The following DNAJA2 variants were observed in gnomAD, a reference collection of about 807,000 sequenced individuals.
DNAJA2 encodes dnaJ homolog subfamily A member 2.
Under a neutral mutation model 49.3 loss-of-function variants are expected in DNAJA2, and 6 were observed. That is an observed-to-expected ratio of 0.12 (90% CI 0.07 to 0.24). The LOEUF (loss-of-function observed/expected upper bound fraction) is 0.24, where lower values mean the gene tolerates loss of function less well. Among genes scored for constraint, DNAJA2 ranks in the 10% least tolerant of loss-of-function variants. The pLI, the probability that DNAJA2 is intolerant of heterozygous loss-of-function variation, is 1.00. For missense variants in DNAJA2, 347 were observed against 516.8 expected (o/e 0.67, Z 3.19); for synonymous variants, 160 against 172.7 (o/e 0.93, Z 0.58).
intron 6 of DNAJA2, among the ~76,000 whole-genome samples, chr16:46,961,284 G>A (rs1031089142): frequency 6.6e-6 from 1 of 151,518 alleles, no homozygotes; most frequent in African/African-American, 2.4e-5. Context: ...GGAGGCTGAG[G>A]CAGGAGAATC....
chr16:46,966,912 CAG>C (rs1441958745), intron 5 of DNAJA2, among the ~76,000 whole-genome samples: 3 of 152,066 alleles, frequency 2.0e-5, no homozygotes, highest in Admixed American at 1.3e-4. Flanking sequence ...GTCATTCCTA[CAG>C]AGAGAGTAAA....
chr16:46,969,911 A>G (rs1023978959), intron 3 of DNAJA2, among the ~76,000 whole-genome samples: 1 of 152,198 alleles, frequency 6.6e-6, no homozygotes, highest in Non-Finnish European at 1.5e-5. Context: ...CCATTTCTAT[A>G]TTAAAGAAAA....
rs1468209664 is a variant in DNAJA2, at chr16:46,973,578, C to G, written c.-6G>C. On this transcript the variant is annotated 5_prime_UTR_variant, in exon 1 of 9. Transcript: ENST00000317089. ...GTGTCAGCCACGTTAGCCATGGCGGCCGGCCGGGCAGTGCTCGGGGAGAAG... is the reference window on the plus strand; with the variant it reads ...GTGTCAGCCACGTTAGCCATGGCGGGCGGCCGGGCAGTGCTCGGGGAGAAG... The G allele has an allele frequency of 6.3e-7, 1 of 1,592,324 alleles. No individual in the cohort carries two copies. The highest frequency in any genetic ancestry group is 1.7e-5 in the Admixed American group (1 of 58,706).
At chr16:46,969,906 T>C (rs1009881983) in intron 3 of DNAJA2, among the ~76,000 whole-genome samples, 1 of 152,204 alleles carries the variant, frequency 6.6e-6, no homozygotes, top group African/African-American at 2.4e-5. Flanking sequence ...TTAGACCATT[T>C]CTATATTAAA....
At chr16:46,965,905 G>A (rs570326522) in intron 5 of DNAJA2, among the ~76,000 whole-genome samples, 3 of 151,010 alleles carry the variant, frequency 2.0e-5, no homozygotes, top group Admixed American at 6.6e-5. Flanking sequence ...TTGGTTTCTT[G>A]ATAGTGGGAG....
intron 8 of DNAJA2, among the ~76,000 whole-genome samples, chr16:46,957,787 A>T (rs1961836182): frequency 6.6e-6 from 1 of 152,082 alleles, no homozygotes; most frequent in Non-Finnish European, 1.5e-5. Flanking sequence ...TCTACAGGAG[A>T]CACACCTTCC....
At chr16:46,972,030 C>T in intron 1 of DNAJA2, 75 bp from the exon 2 acceptor site, 5 of 1,026,402 alleles carry the variant, frequency 4.9e-6, no homozygotes, top group Non-Finnish European at 7.6e-6. Flanking sequence ...TTAATATCCA[C>T]TTTTCTGAGA....
Position 46,955,604 on chromosome 16 carries a change from T to C in DNAJA2, c.*1425A>G, listed in dbSNP as rs900136129. 17 of 152,218 alleles carry C rather than the reference T, an allele frequency of 1.1e-4. No individual in the cohort carries two copies. Among genetic ancestry groups the C allele is most frequent in the Admixed American group, 6.5e-4 (10 of 15,278 alleles). 9.4% of individuals were successfully genotyped at this position (152,218 alleles called of 1,614,324 possible). A position where few individuals can be genotyped will look rare whatever the true frequency, so the allele number is the denominator to read the frequency against. ...TTTTTTCATTCAGGTTTTCAGGTTCTAGCAGACCTAGAAATAAACTACAAA... is the reference window on the plus strand; with the variant it reads ...TTTTTTCATTCAGGTTTTCAGGTTCCAGCAGACCTAGAAATAAACTACAAA... On this transcript the variant is annotated 3_prime_UTR_variant, in exon 9 of 9. Coordinates refer to ENST00000317089, the MANE Select transcript of DNAJA2 (RefSeq NM_005880.4).
intron 2 of DNAJA2, 28 bp from the exon 3 acceptor site, chr16:46,971,600 A>C: frequency 7.0e-7 from 1 of 1,430,208 alleles, no homozygotes; most frequent in Non-Finnish European, 9.3e-7. Flanking sequence ...AAATAAAAAT[A>C]ATTGCATTTT....
intron 6 of DNAJA2, among the ~76,000 whole-genome samples, chr16:46,964,073 C>A (rs1397125402): frequency 6.6e-6 from 1 of 152,044 alleles, no homozygotes; most frequent in Admixed American, 6.5e-5. Flanking sequence ...CTCCGTCACA[C>A]ACACACAAAA....
chr16:46,958,345 A>G (rs906212276), intron 8 of DNAJA2, among the ~76,000 whole-genome samples: 5 of 152,014 alleles, frequency 3.3e-5, no homozygotes, highest in African/African-American at 1.2e-4. Context: ...AGGTCAGGAG[A>G]TCGAGACCAT....
intron 3 of DNAJA2, among the ~76,000 whole-genome samples, chr16:46,968,998 G>C (rs987330536): frequency 5.9e-5 from 9 of 152,210 alleles, no homozygotes; most frequent in Non-Finnish European, 1.0e-4. Flanking sequence ...AGTGAGCTGA[G>C]ATCGTACCAC....
Position 46,971,479 on chromosome 16 carries a change from T to C in DNAJA2, c.232A>G (p.Ser78Gly), listed in dbSNP as rs1347328345. The change falls in exon 3 of 9, where the codon AGC becomes GGC. Residue 78 changes from serine (S) to glycine (G), a missense_variant. Ser to Gly is a moderately conservative substitution (Grantham distance 56). Transcript: ENST00000317089. Reference sequence around the variant, plus strand: ...TCATCCATGCCACCACCTCCGCCGCTGCCTTCCCGAAGACCTTGCTCTCCG... The same window carrying C: ...TCATCCATGCCACCACCTCCGCCGCCGCCTTCCCGAAGACCTTGCTCTCCG... ...RYGEQGLREG[S>G]GGGGGMDDIF... 1 of 1,613,902 alleles carries C rather than the reference T, an allele frequency of 6.2e-7. No homozygotes were observed. Among genetic ancestry groups the C allele is most frequent in the East Asian group, 2.2e-5 (1 of 44,892 alleles).
intron 2 of DNAJA2, 157 bp from the exon 3 acceptor site, chr16:46,971,729 T>G (rs1962052720): frequency 1.3e-6 from 1 of 782,166 alleles, no homozygotes; most frequent in African/African-American, 1.8e-5. Context: ...CCACCGCTCC[T>G]CAGAATGGTA....
At chr16:46,973,326 C>T (rs1469446246) in intron 1 of DNAJA2, among the ~76,000 whole-genome samples, 169 bp downstream of exon 1, 1 of 150,896 alleles carries the variant, frequency 6.6e-6, no homozygotes, top group East Asian at 1.9e-4. Context: ...GGCCGGAGTG[C>T]GCGGCTCGCG....
Position 46,971,516 on chromosome 16 carries a change from T to C in DNAJA2, c.195A>G (p.Leu65=), listed in dbSNP as rs776142209. ...EVLSNPEKRE[L]YDRYGEQGLR... ...GACCTTGCTCTCCGTATCTGTCATA[T>C]AACTCACGCTTCTCAGGATTTGATA... The change falls in exon 3 of 9, where the codon TTA becomes TTG. Residue 65 remains leucine (L), a synonymous_variant. Transcript: ENST00000317089. The C allele has an allele frequency of 1.2e-6, 2 of 1,611,644 alleles. No individual in the cohort carries two copies. The highest frequency in any genetic ancestry group is 1.3e-5 in the African/African-American group (1 of 74,922).
Position 46,967,537 on chromosome 16 carries a change from C to T in DNAJA2, c.553G>A (p.Val185Met). The T allele has an allele frequency of 6.2e-7, 1 of 1,614,218 alleles. No homozygotes were observed. The highest frequency in any genetic ancestry group is 8.5e-7 in the Non-Finnish European group (1 of 1,180,038). Residue 185 changes from valine (V) to methionine (M), a missense_variant, in exon 5 of 9, where the codon GTG (valine) becomes ATG (methionine). By Grantham distance (21) the Val-to-Met change is conservative (BLOSUM62 1). Transcript: ENST00000317089. ...CCTTCTCCATTACAATCAGAGCACACAGACTGCATCTGTTGTACCATCCCT... is the reference window on the plus strand; with the variant it reads ...CCTTCTCCATTACAATCAGAGCACATAGACTGCATCTGTTGTACCATCCCT... ...APGMVQQMQS[V>M]CSDCNGEGEV...
At chr16:46,971,840 G>C (rs1962054977) in intron 2 of DNAJA2, 56 bp downstream of exon 2, 2 of 1,422,962 alleles carry the variant, frequency 1.4e-6, no homozygotes, top group Admixed American at 1.7e-5. Context: ...TTTTCAAGGA[G>C]GGCAATTTAA....
chr16:46,967,165 C>T (rs544188815), intron 5 of DNAJA2, among the ~76,000 whole-genome samples: 4 of 152,292 alleles, frequency 2.6e-5, no homozygotes, highest in African/African-American at 9.6e-5. Flanking sequence ...CAGATCACTG[C>T]TCCCTCGAAC....
Sources: allele counts gnomAD v4.1 joint callset (sites outside exome capture counted in the v4.1 genomes callset), GRCh38; gene constraint gnomAD v4.1.1; transcripts MANE v1.5; gene names NCBI Gene and HGNC (gene_info 2026-07-23, HGNC 2026-07-21).